The following CLVS2 variants were observed in gnomAD, a reference collection of about 807,000 sequenced individuals.
The protein encoded by CLVS2 is clavesin 2, also known as clavesin-2.
Under a neutral mutation model 29.0 loss-of-function variants are expected in CLVS2, and 19 were observed. That is an observed-to-expected ratio of 0.66 (90% CI 0.46 to 0.96). The LOEUF (loss-of-function observed/expected upper bound fraction) is 0.96. CLVS2 is among the 40% of genes least tolerant of loss of function. The pLI, the probability that CLVS2 is intolerant of heterozygous loss-of-function variation, is 0.00. For missense variants in CLVS2, 294 were observed against 404.1 expected (o/e 0.73, Z 2.34); for synonymous variants, 161 against 151.3 (o/e 1.06, Z -0.47).
At chr6:123,059,880 T>C (rs547454671) in intron 5 of CLVS2, among the ~76,000 whole-genome samples, 3 of 152,200 alleles carry the variant, frequency 2.0e-5, no homozygotes, top group Admixed American at 2.0e-4. Flanking sequence ...TTGTAGCCCA[T>C]TAGTGGCCCC....
intron 3 of CLVS2, among the ~76,000 whole-genome samples, chr6:123,021,378 C>T (rs532486161): frequency 9.9e-5 from 15 of 151,752 alleles, no homozygotes; most frequent in South Asian, 2.1e-4. Context: ...AGCACGCAAC[C>T]GGGAGGGGAT....
chr6:123,020,816 A>G (rs1774908939), intron 3 of CLVS2, among the ~76,000 whole-genome samples: 1 of 152,026 alleles, frequency 6.6e-6, no homozygotes, highest in Non-Finnish European at 1.5e-5. Context: ...CAAATAATCA[A>G]CTTTCCTCTT....
Position 122,997,769 on chromosome 6 carries a change from G to C in CLVS2, c.-9G>C. ...TCTTCTGAGGGAAAGCTCAGAGATA[G>C]GCAGAACAATGACTCATTTGCAAGC... On this transcript the variant is annotated 5_prime_UTR_variant, in exon 2 of 6. Coordinates refer to ENST00000275162, the MANE Select transcript of CLVS2 (RefSeq NM_001010852.4). 1 of 1,612,308 alleles carries C rather than the reference G, an allele frequency of 6.2e-7. No individual in the cohort carries two copies. The highest frequency in any genetic ancestry group is 8.5e-7 in the Non-Finnish European group (1 of 1,179,424).
Position 123,055,951 on chromosome 6 carries a change from G to C in CLVS2, c.821G>C (p.Ser274Thr). Reference sequence around the variant, plus strand: ...CTAGACCATGAATATGACGATGACAGCGAGTACAATGTAGACTCCTACAGC... The same window carrying C: ...CTAGACCATGAATATGACGATGACACCGAGTACAATGTAGACTCCTACAGC... ...TLLDHEYDDD[S>T]EYNVDSYSMP... The change falls in exon 5 of 6, where the codon AGC becomes ACC. Residue 274 changes from serine (S) to threonine (T), a missense_variant. Ser to Thr is a moderately conservative substitution (Grantham distance 58). This residue lies in a region of CLVS2 where 82 missense variants were observed against 67.8 expected (regional missense o/e 1.21). Coordinates refer to ENST00000275162, the MANE Select transcript of CLVS2 (RefSeq NM_001010852.4). 6.2e-7 allele frequency: 1 copy of C among 1,614,034 alleles called. No homozygotes were observed. Among genetic ancestry groups the C allele is most frequent in the Non-Finnish European group, 8.5e-7 (1 of 1,179,962 alleles).
intron 2 of CLVS2, among the ~76,000 whole-genome samples, chr6:123,004,234 T>A (rs187275043): frequency 6.6e-6 from 1 of 152,314 alleles, no homozygotes; most frequent in Admixed American, 6.5e-5. Context: ...CACAATTCTG[T>A]TTTATTTTGT....
intron 4 of CLVS2, among the ~76,000 whole-genome samples, chr6:123,054,096 A>G (rs984820982): frequency 6.6e-6 from 1 of 152,172 alleles, no homozygotes; most frequent in Non-Finnish European, 1.5e-5. Context: ...CTAGGATTAC[A>G]CTGACTGCTC....
intron 4 of CLVS2, among the ~76,000 whole-genome samples, chr6:123,051,510 A>G (rs562321661): frequency 4.2e-4 from 64 of 152,316 alleles, no homozygotes; most frequent in Non-Finnish European, 5.9e-4. Context: ...CTAAAATCCA[A>G]TGAAACCCAC....
At chr6:123,040,931 A>G (rs1276871445) in intron 3 of CLVS2, among the ~76,000 whole-genome samples, 3 of 152,206 alleles carry the variant, frequency 2.0e-5, no homozygotes, top group East Asian at 3.9e-4. Flanking sequence ...GATAGTCTAC[A>G]TTATGATTAC....
At position 123,047,866 on chromosome 6, in the gene CLVS2, T is replaced by G. The variant is rs993260350; in HGVS notation, c.565-756T>G. ...ACATACTCAAGTGCAGTGTCAAATG[T>G]TGCCATTCATTTGGGTTAAGGGTTC... On this transcript the variant is annotated intron_variant, in intron 3 of 5. Transcript: ENST00000275162. Among the ~76,000 whole-genome samples the G allele has an allele frequency of 3.9e-5, 6 of 152,282 alleles. No homozygotes were observed. In the South Asian group the frequency reaches 1.2e-3, roughly 32 times the overall value.
intron 3 of CLVS2, among the ~76,000 whole-genome samples, chr6:123,040,515 C>T (rs1775213277): frequency 6.6e-6 from 1 of 152,220 alleles, no homozygotes; most frequent in South Asian, 2.1e-4. Context: ...TAATTACGCG[C>T]CAGGCGCAGT....
At chr6:123,029,960 G>C (rs757098349) in intron 3 of CLVS2, among the ~76,000 whole-genome samples, 21 of 152,162 alleles carry the variant, frequency 1.4e-4, no homozygotes, top group African/African-American at 4.8e-4. Flanking sequence ...GTGGAGAAAG[G>C]CTGTTAGACC....
At chr6:123,046,782 G>T (rs1191627546) in intron 3 of CLVS2, among the ~76,000 whole-genome samples, 2 of 152,050 alleles carry the variant, frequency 1.3e-5, no homozygotes, top group East Asian at 1.9e-4. Context: ...AATTTTTAAA[G>T]ATCTTTTTGC....
At chr6:123,038,577 A>G (rs1775186431) in intron 3 of CLVS2, among the ~76,000 whole-genome samples, 1 of 152,202 alleles carries the variant, frequency 6.6e-6, no homozygotes, top group South Asian at 2.1e-4. Flanking sequence ...GAATAAAGTA[A>G]GTCATCTATT....
chr6:123,014,860 G>A (rs1234272903), intron 3 of CLVS2, among the ~76,000 whole-genome samples: 1 of 152,166 alleles, frequency 6.6e-6, no homozygotes, highest in African/African-American at 2.4e-5. Context: ...TAGTTAAATA[G>A]CATCTAGATA....
chr6:122,999,423 A>G (rs1047847118), intron 2 of CLVS2, among the ~76,000 whole-genome samples: 5 of 152,148 alleles, frequency 3.3e-5, no homozygotes, highest in Admixed American at 1.3e-4. Context: ...ACAAACTACT[A>G]CCTGAAGATT....
At chr6:123,044,912 T>C (rs1202008080) in intron 3 of CLVS2, among the ~76,000 whole-genome samples, 3 of 152,180 alleles carry the variant, frequency 2.0e-5, no homozygotes, top group Admixed American at 1.3e-4. Context: ...TTATTTTCCT[T>C]TCACTCTTCC....
Position 123,067,781 on chromosome 6 carries a change from T to C in CLVS2, c.*4020T>C, listed in dbSNP as rs1198764973. 2 of 151,760 alleles carry C rather than the reference T, an allele frequency of 1.3e-5. No individual in the cohort carries two copies. Among genetic ancestry groups the C allele is most frequent in the Non-Finnish European group, 3.0e-5 (2 of 67,734 alleles). 9.4% of individuals were successfully genotyped at this position (151,760 alleles called of 1,614,324 possible). A position where few individuals can be genotyped will look rare whatever the true frequency, so the allele number is the denominator to read the frequency against. On this transcript the variant is annotated 3_prime_UTR_variant, in exon 6 of 6. Transcript: ENST00000275162. ...AAGAGGCAGATTATAAACCAACATA[T>C]TGGAACAAAAGAAGATTGGTTAAAT...
At chr6:123,012,009 A>T (rs1169504236) in intron 3 of CLVS2, among the ~76,000 whole-genome samples, 1 of 151,978 alleles carries the variant, frequency 6.6e-6, no homozygotes, top group African/African-American at 2.4e-5. Context: ...ACACACCTAA[A>T]TTGATAACTG....
intron 2 of CLVS2, among the ~76,000 whole-genome samples, chr6:123,008,940 C>T (rs1158354793): frequency 6.6e-6 from 1 of 151,986 alleles, no homozygotes; most frequent in East Asian, 1.9e-4. Flanking sequence ...TTTTTGGATG[C>T]TGTATCCCTA....
Sources: allele counts gnomAD v4.1 joint callset (sites outside exome capture counted in the v4.1 genomes callset), GRCh38; gene constraint gnomAD v4.1.1; regional missense constraint gnomAD v4.1.1; transcripts MANE v1.5; gene names NCBI Gene and HGNC (gene_info 2026-07-23, HGNC 2026-07-21).